Variants in DIP2B observed in about 807,000 individuals in gnomAD.
DIP2B encodes the protein DIP2 acetate--CoA ligase B (putative).
A neutral mutation model predicts 198.0 loss-of-function variants in DIP2B; 76 were observed. The observed-to-expected ratio is 0.38, with a 90% CI of 0.32 to 0.46. The LOEUF (loss-of-function observed/expected upper bound fraction) is 0.46, where lower values mean the gene tolerates loss of function less well. DIP2B is among the 20% of genes least tolerant of loss of function. The pLI, the probability that DIP2B is intolerant of heterozygous loss-of-function variation, is 0.99. For synonymous variants in DIP2B, 701 were observed against 739.1 expected (o/e 0.95, Z 0.84); for missense variants, 1,559 against 1,978.4 (o/e 0.79, Z 4.02).
chr12:50,698,590 C>A, intron 18 of DIP2B, 123 bp downstream of exon 18: 2 of 1,163,304 alleles, frequency 1.7e-6, no homozygotes, highest in South Asian at 2.0e-5. Context: ...CATTTAATTT[C>A]TCAGAGCCTC....
At chr12:50,736,490 C>G (rs1415795660) in intron 34 of DIP2B, among the ~76,000 whole-genome samples, 1 of 152,150 alleles carries the variant, frequency 6.6e-6, no homozygotes, top group Non-Finnish European at 1.5e-5. Context: ...CCTCAGCCAG[C>G]GTATGTGTCT....
chr12:50,737,185 T>C (rs1448633825), intron 35 of DIP2B, 75 bp downstream of exon 35: 13 of 1,382,962 alleles, frequency 9.4e-6, no homozygotes, highest in Non-Finnish European at 1.1e-5. Flanking sequence ...TAGAAATCAG[T>C]AAAACTGTGG....
At position 50,535,637 on chromosome 12, in the gene DIP2B, C is replaced by T. The variant is rs147019293; in HGVS notation, c.100+30397C>T. Among the ~76,000 whole-genome samples, 718 of 151,890 alleles carry T rather than the reference C, an allele frequency of 4.7e-3. 8 individuals are homozygous for T. Among genetic ancestry groups the T allele is most frequent in the African/African-American group, 0.016 (679 of 41,420 alleles). ...CCTCCTGCCTCGGTCTCCCAAAGTGCTCGGATTACAGATGTGAACCACCAC... is the reference window on the plus strand; with the variant it reads ...CCTCCTGCCTCGGTCTCCCAAAGTGTTCGGATTACAGATGTGAACCACCAC... On this transcript the variant is annotated intron_variant, in intron 1 of 37. Transcript: ENST00000301180.
At chr12:50,542,824 T>C (rs1958338821) in intron 1 of DIP2B, among the ~76,000 whole-genome samples, 1 of 152,220 alleles carries the variant, frequency 6.6e-6, no homozygotes, top group African/African-American at 2.4e-5. Flanking sequence ...AACAAATTTC[T>C]AGTTGTTTCT....
Position 50,734,123 on chromosome 12 carries a change from GTCTT to G in DIP2B, c.3982-6_3982-3del, listed in dbSNP as rs768561874. 1.6e-4 allele frequency: 260 copies of G among 1,613,750 alleles called. No individual in the cohort carries two copies. The highest frequency in any genetic ancestry group is 1.9e-4 in the Non-Finnish European group (219 of 1,179,886). On this transcript the variant is annotated splice_polypyrimidine_tract_variant and splice_region_variant and intron_variant, in intron 32 of 37. Transcript: ENST00000301180. ...GAAATTCTAAACAACGCATTGATTT[GTCTT>G]TCTTTAGGGAACCTCAGGGCCTGAT... is the stretch of plus-strand genomic sequence containing the variant.
Position 50,719,009 on chromosome 12 carries a change from G to A in DIP2B, c.3016G>A (p.Val1006Ile). 1.2e-6 allele frequency: 2 copies of A among 1,614,164 alleles called. No homozygotes were observed. The highest frequency in any genetic ancestry group is 2.2e-5 in the South Asian group (2 of 91,090). Residue 1006 changes from valine to isoleucine, a missense_variant, in exon 25 of 38, where the codon GTA (valine) becomes ATA (isoleucine). Coordinates refer to ENST00000301180, the MANE Select transcript of DIP2B (RefSeq NM_173602.3). ...QWRAQATPDH[V>I]LFMLLNAKGT... ...GCGAGCCCAGGCGACTCCTGACCATGTACTCTTCATGCTGTTAAATGCCAA... is the reference window on the plus strand; with the variant it reads ...GCGAGCCCAGGCGACTCCTGACCATATACTCTTCATGCTGTTAAATGCCAA...
At chr12:50,601,678 T>G (rs1054859076) in intron 1 of DIP2B, among the ~76,000 whole-genome samples, 1 of 152,162 alleles carries the variant, frequency 6.6e-6, no homozygotes, top group African/African-American at 2.4e-5. Flanking sequence ...ATTTTTTTTT[T>G]GTATTTGGTT....
At chr12:50,560,953 CTG>C (rs1391303621) in intron 1 of DIP2B, among the ~76,000 whole-genome samples, 3 of 152,172 alleles carry the variant, frequency 2.0e-5, no homozygotes, top group East Asian at 1.9e-4. Flanking sequence ...GGCAAATAAA[CTG>C]TTTTCACATT....
chr12:50,727,024 G>A (rs1257771701), intron 28 of DIP2B, among the ~76,000 whole-genome samples: 5 of 152,084 alleles, frequency 3.3e-5, no homozygotes, highest in Non-Finnish European at 7.4e-5. Context: ...AGGCTGAGGT[G>A]GGAGGATCAT....
chr12:50,591,217 G>A (rs909778963), intron 1 of DIP2B, among the ~76,000 whole-genome samples: 1 of 152,190 alleles, frequency 6.6e-6, no homozygotes, highest in South Asian at 2.1e-4. Context: ...TTTTCAAAGA[G>A]CAGGAATTCA....
At chr12:50,535,612 C>T (rs770691371) in intron 1 of DIP2B, among the ~76,000 whole-genome samples, 14 of 151,960 alleles carry the variant, frequency 9.2e-5, no homozygotes, top group Non-Finnish European at 1.9e-4. Context: ...CTCAAGTGAT[C>T]CTCCTGCCTC....
At chr12:50,651,490 AG>A (rs1425743474) in intron 3 of DIP2B, among the ~76,000 whole-genome samples, 5 of 151,910 alleles carry the variant, frequency 3.3e-5, no homozygotes, top group African/African-American at 1.2e-4. Flanking sequence ...ATCTATTTTG[AG>A]TCAATTTTTG....
intron 1 of DIP2B, among the ~76,000 whole-genome samples, chr12:50,575,720 A>G (rs1317746039): frequency 1.3e-5 from 2 of 151,828 alleles, no homozygotes; most frequent in African/African-American, 4.8e-5. Flanking sequence ...GGGGTCAGCA[A>G]ACTGTGTCTA....
chr12:50,693,908 G>A (rs1007652524), intron 14 of DIP2B, among the ~76,000 whole-genome samples: 6 of 152,138 alleles, frequency 3.9e-5, no homozygotes, highest in Non-Finnish European at 7.4e-5. Flanking sequence ...ATCTCAATAC[G>A]AAGGCTTGGT....
At chr12:50,710,191 G>C (rs192635023) in intron 22 of DIP2B, among the ~76,000 whole-genome samples, 3 of 152,272 alleles carry the variant, frequency 2.0e-5, no homozygotes, top group African/African-American at 7.2e-5. Flanking sequence ...GATCCCCAGA[G>C]CCCGGTAGCT....
At chr12:50,744,133 C>G (rs1940304613) in intron 37 of DIP2B, among the ~76,000 whole-genome samples, 1 of 152,204 alleles carries the variant, frequency 6.6e-6, no homozygotes, top group Non-Finnish European at 1.5e-5. Context: ...TCCTGAGTAG[C>G]TGGGACTACG....
chr12:50,650,957 C>G (rs565448861), intron 3 of DIP2B, among the ~76,000 whole-genome samples: 1 of 152,276 alleles, frequency 6.6e-6, no homozygotes, highest in South Asian at 2.1e-4. Flanking sequence ...TTCTCCAAAT[C>G]CTCTTCAACA....
chr12:50,661,544 A>G (rs903458954), intron 4 of DIP2B, among the ~76,000 whole-genome samples: 3 of 152,150 alleles, frequency 2.0e-5, no homozygotes, highest in African/African-American at 4.8e-5. Flanking sequence ...TGTGGCTTCA[A>G]GTGTTTCTCA....
chr12:50,518,409 A>T (rs1423025682), intron 1 of DIP2B, among the ~76,000 whole-genome samples: 2 of 152,076 alleles, frequency 1.3e-5, no homozygotes, highest in African/African-American at 4.8e-5. Context: ...ATTTTAGTAG[A>T]GATGGACTTT....
Sources: allele counts gnomAD v4.1 joint callset (sites outside exome capture counted in the v4.1 genomes callset), GRCh38; gene constraint gnomAD v4.1.1; transcripts MANE v1.5; gene names NCBI Gene and HGNC (gene_info 2026-07-23, HGNC 2026-07-21).